The following HS6ST1 variants were observed in gnomAD, a reference collection of about 807,000 sequenced individuals.
HS6ST1 encodes heparan sulfate 6-O-sulfotransferase 1, also known as heparan-sulfate 6-O-sulfotransferase 1.
A neutral mutation model predicts 25.2 loss-of-function variants in HS6ST1; 3 were observed. The observed-to-expected ratio is 0.12, with a 90% CI of 0.05 to 0.31. The LOEUF (loss-of-function observed/expected upper bound fraction) is 0.31. HS6ST1 is among the 10% of genes least tolerant of loss of function. The probability of loss-of-function intolerance (pLI) is 1.00; values close to 1 mark genes in which losing one functional copy is unlikely to be tolerated. For missense variants in HS6ST1, 310 were observed against 609.6 expected, an observed-to-expected ratio of 0.51 and a Z score of 5.18; for synonymous variants, 204 against 275.1, an observed-to-expected ratio of 0.74 and a Z score of 2.56.
intron 1 of HS6ST1, among the ~76,000 whole-genome samples, chr2:128,298,406 G>T (rs1694072258): frequency 6.6e-6 from 1 of 152,090 alleles, no homozygotes; most frequent in Non-Finnish European, 1.5e-5. Flanking sequence ...TAGCAAGAAG[G>T]GAGCAGCCAA....
intron 1 of HS6ST1, among the ~76,000 whole-genome samples, chr2:128,317,133 C>A (rs751049402): frequency 2.0e-5 from 3 of 152,224 alleles, no homozygotes; most frequent in Non-Finnish European, 4.4e-5. Flanking sequence ...AGGAAAATAA[C>A]CCCAACTTTA....
At chr2:128,314,395 G>T (rs1282058826) in intron 1 of HS6ST1, among the ~76,000 whole-genome samples, 1 of 152,172 alleles carries the variant, frequency 6.6e-6, no homozygotes, top group Non-Finnish European at 1.5e-5. Context: ...CAGCATGAGG[G>T]CAGTGCCAAG....
intron 1 of HS6ST1, among the ~76,000 whole-genome samples, chr2:128,302,311 G>A (rs1390658439): frequency 6.6e-6 from 1 of 152,218 alleles, no homozygotes; most frequent in African/African-American, 2.4e-5. Context: ...CTGAGCTGGA[G>A]CTGTGCAGCC....
intron 1 of HS6ST1, among the ~76,000 whole-genome samples, chr2:128,313,961 T>C (rs910414270): frequency 7.3e-4 from 111 of 152,148 alleles, no homozygotes; most frequent in African/African-American, 2.7e-3. Flanking sequence ...AAAAAGGATT[T>C]TTTATCTATT....
rs539001887 is a variant in HS6ST1 at position 128,317,079 on chromosome 2, C to T, written c.527+958G>A. 2.5e-4 allele frequency among the ~76,000 whole-genome samples: 38 copies of T among 152,330 alleles called. 1 individual carries two copies. Among genetic ancestry groups the T allele is most frequent in the African/African-American group, 9.1e-4 (38 of 41,574 alleles). ...GCCCAGACTTTGGGGAGAAAGGCCCCGCAGGGCATCCCTGCAGGACGAATG... is the reference window on the plus strand; with the variant it reads ...GCCCAGACTTTGGGGAGAAAGGCCCTGCAGGGCATCCCTGCAGGACGAATG... On this transcript the variant is annotated intron_variant, in intron 1 of 1. Transcript: ENST00000259241.
At chr2:128,310,473 G>C (rs1432972502) in intron 1 of HS6ST1, among the ~76,000 whole-genome samples, 2 of 152,248 alleles carry the variant, frequency 1.3e-5, no homozygotes, top group South Asian at 2.1e-4. Context: ...GTGGGGACAG[G>C]TGCAAATCCT....
At chr2:128,316,587 G>A (rs770292975) in intron 1 of HS6ST1, among the ~76,000 whole-genome samples, 5 of 152,204 alleles carry the variant, frequency 3.3e-5, no homozygotes, top group Non-Finnish European at 5.9e-5. Flanking sequence ...GTGCTGGGCC[G>A]GAAGCAATCC....
chr2:128,311,266 C>T (rs1160371700), intron 1 of HS6ST1, among the ~76,000 whole-genome samples: 3 of 152,226 alleles, frequency 2.0e-5, no homozygotes, highest in African/African-American at 4.8e-5. Context: ...CAAAATGTCA[C>T]CTCACCTATA....
chr2:128,281,664 G>A (rs1384687212), intron 1 of HS6ST1, among the ~76,000 whole-genome samples: 1 of 152,196 alleles, frequency 6.6e-6, no homozygotes, highest in East Asian at 1.9e-4. Context: ...CCTTCCAAAG[G>A]GAGGGAAATA....
intron 1 of HS6ST1, among the ~76,000 whole-genome samples, chr2:128,305,705 CCATCTGCTCTGCCTGCCCTTGAT>C (rs1286496922): frequency 6.6e-6 from 1 of 152,238 alleles, no homozygotes; most frequent in Non-Finnish European, 1.5e-5. Context: ...CCCCGGGAGA[CCATCTGCTCTGCCTGCCCTTGAT>C]CCTCTCAGGG....
chr2:128,314,948 G>A (rs900999647), intron 1 of HS6ST1, among the ~76,000 whole-genome samples: 2 of 152,218 alleles, frequency 1.3e-5, no homozygotes, highest in African/African-American at 4.8e-5. Context: ...GAAGGAGGGA[G>A]GTTCTGGCTC....
intron 1 of HS6ST1, among the ~76,000 whole-genome samples, chr2:128,278,799 C>T (rs1693735199): frequency 1.3e-5 from 2 of 152,206 alleles, no homozygotes; most frequent in Admixed American, 1.3e-4. Context: ...ATGGACTACT[C>T]AGTGGCTGTC....
intron 1 of HS6ST1, among the ~76,000 whole-genome samples, chr2:128,280,202 GT>G (rs1693763816): frequency 6.6e-6 from 1 of 152,250 alleles, no homozygotes. Flanking sequence ...AAAAGTGGAA[GT>G]CTGATTTTGG....
chr2:128,308,868 A>C (rs1694248989), intron 1 of HS6ST1, among the ~76,000 whole-genome samples: 1 of 152,176 alleles, frequency 6.6e-6, no homozygotes, highest in South Asian at 2.1e-4. Context: ...ACAAGAGCTG[A>C]CTTCCTAGCT....
chr2:128,268,424 C>T lies in HS6ST1; in HGVS notation c.974G>A (p.Gly325Asp). The change falls in exon 2 of 2, where the codon GGC becomes GAC. Residue 325 changes from glycine to aspartate, a missense_variant. By Grantham distance (94) the Gly-to-Asp change is moderately conservative. Transcript: ENST00000259241. ...PFMQYNSTRA[G>D]GVEVDEDTIR... ...GGTGTCTTCATCCACCTCCACGCCG[C>T]CCGCCCGCGTGCTATTGTACTGCAT... 6.2e-7 allele frequency: 1 copy of T among 1,613,642 alleles called. No homozygotes were observed.
chr2:128,271,586 C>T (rs770177785), intron 1 of HS6ST1, among the ~76,000 whole-genome samples: 1 of 152,224 alleles, frequency 6.6e-6, no homozygotes, highest in East Asian at 1.9e-4. Flanking sequence ...CGTGGCCAGG[C>T]TGTGAAGTGT....
chr2:128,298,534 T>C (rs1333095256), intron 1 of HS6ST1, among the ~76,000 whole-genome samples: 1 of 152,162 alleles, frequency 6.6e-6, no homozygotes, highest in African/African-American at 2.4e-5. Flanking sequence ...GGATGAACCT[T>C]AAAGACATTA....
At chr2:128,300,629 G>A (rs1694110512) in intron 1 of HS6ST1, among the ~76,000 whole-genome samples, 1 of 152,176 alleles carries the variant, frequency 6.6e-6, no homozygotes, top group Admixed American at 6.5e-5. Flanking sequence ...CTCTTCGGGG[G>A]AGGCTGTAAC....
chr2:128,312,005 C>T (rs1458506959), intron 1 of HS6ST1, among the ~76,000 whole-genome samples: 2 of 152,262 alleles, frequency 1.3e-5, no homozygotes, highest in African/African-American at 2.4e-5. Context: ...GAGCCCAGAG[C>T]CCAGGCATGA....
Sources: gnomAD v4.1 joint callset for allele counts (sites outside exome capture counted in the v4.1 genomes callset) on GRCh38, gnomAD v4.1.1 for gene constraint, MANE v1.5 for transcripts, NCBI Gene and HGNC (gene_info 2026-07-23, HGNC 2026-07-21) for gene names.